SH3KBP1: variants seen among roughly 807,000 people sequenced by gnomAD.
The protein encoded by SH3KBP1 is SH3 domain containing kinase binding protein 1.
A neutral mutation model predicts 50.1 loss-of-function variants in SH3KBP1; 8 were observed. The observed-to-expected ratio is 0.16, with a 90% CI of 0.09 to 0.29. SH3KBP1 has a LOEUF of 0.29. Among genes scored for constraint, SH3KBP1 ranks in the 10% least tolerant of loss-of-function variants. SH3KBP1 has a pLI of 1.00. For synonymous variants in SH3KBP1, 227 were observed against 218.6 expected (o/e 1.04, Z -0.34); for missense variants, 377 against 535.2 (o/e 0.70, Z 2.92).
chrX:19,712,203 C>T (rs901622351), intron 3 of SH3KBP1, among the ~76,000 whole-genome samples: 4 of 112,014 alleles, frequency 3.6e-5, no homozygotes, highest in South Asian at 3.7e-4. Flanking sequence ...TCTAAGCCTA[C>T]GGCAAAGAAG....
Position 19,554,122 on chromosome X carries a change from T to TTATATATCATATTAAAATATAA in SH3KBP1, c.1385-4040_1385-4039insTTATATTTTAATATGATATATA, listed in dbSNP as rs1569278477. Among the ~76,000 whole-genome samples the TTATATATCATATTAAAATATAA allele has an allele frequency of 9.6e-3, 567 of 59,241 alleles. 25 individuals carry two copies. The highest frequency in any genetic ancestry group is 0.049 in the African/African-American group (532 of 10,949). 51.4% of individuals were successfully genotyped at this position (59,241 alleles called of 115,157 possible). ...TTATATATCATATTAAAATATAATATTATATATCATATTAAAATATATTAT... is the reference window on the plus strand; with the variant it reads ...TTATATATCATATTAAAATATAATATTATATATCATATTAAAATATAATATATATCATATTAAAATATATTAT... On this transcript the variant is annotated intron_variant, in intron 13 of 17. Coordinates refer to ENST00000397821, the MANE Select transcript of SH3KBP1 (RefSeq NM_031892.3).
intron 6 of SH3KBP1, chrX:19,670,485 G>A: frequency 1.0e-5 from 4 of 390,498 alleles, no homozygotes; most frequent in Non-Finnish European, 1.3e-5. Context: ...CTGTGACATG[G>A]TGTAACAGTT....
intron 2 of SH3KBP1, among the ~76,000 whole-genome samples, chrX:19,808,050 G>A (rs996975334): frequency 3.2e-4 from 36 of 111,298 alleles, no homozygotes; most frequent in African/African-American, 1.1e-3. Context: ...CTTGGCTTTG[G>A]GGCTTTCCTT....
At chrX:19,618,209 C>T (rs2067676450) in intron 8 of SH3KBP1, among the ~76,000 whole-genome samples, 1 of 109,622 alleles carries the variant, frequency 9.1e-6, no homozygotes, top group African/African-American at 3.3e-5. Flanking sequence ...CATGGTGAAT[C>T]CCCGTCTCTA....
intron 4 of SH3KBP1, among the ~76,000 whole-genome samples, chrX:19,704,781 A>G (rs1173313919): frequency 8.9e-6 from 1 of 112,560 alleles, no homozygotes; most frequent in Non-Finnish European, 1.9e-5. Flanking sequence ...TAACAAATAC[A>G]TATCTAAAAA....
intron 2 of SH3KBP1, among the ~76,000 whole-genome samples, chrX:19,764,699 C>T (rs921565925): frequency 9.0e-6 from 1 of 111,457 alleles, no homozygotes; most frequent in African/African-American, 3.3e-5. Context: ...TACTAAGTGC[C>T]TTAATATATA....
intron 8 of SH3KBP1, among the ~76,000 whole-genome samples, chrX:19,627,653 T>A (rs1227797081): frequency 2.7e-5 from 3 of 112,273 alleles, no homozygotes; most frequent in African/African-American, 9.7e-5. Flanking sequence ...TCTTTGCACA[T>A]TATTTCAGGA....
chrX:19,651,625 T>G (rs1158522682), intron 6 of SH3KBP1, among the ~76,000 whole-genome samples: 1 of 112,700 alleles, frequency 8.9e-6, no homozygotes, highest in African/African-American at 3.2e-5. Flanking sequence ...AGTTAGAGAA[T>G]TCAAATATAT....
intron 6 of SH3KBP1, among the ~76,000 whole-genome samples, chrX:19,671,887 T>TA (rs776469206): frequency 8.9e-6 from 1 of 112,620 alleles, no homozygotes; most frequent in Admixed American, 9.4e-5. Flanking sequence ...ATCCTTATCT[T>TA]ACCACATTTC....
At chrX:19,605,018 G>C (rs1327872592) in intron 9 of SH3KBP1, among the ~76,000 whole-genome samples, 1 of 111,357 alleles carries the variant, frequency 9.0e-6, no homozygotes, top group Non-Finnish European at 1.9e-5. Context: ...CAGAGAGCGT[G>C]CATGTCCCAA....
At chrX:19,884,463 C>T (rs1462012097) in intron 1 of SH3KBP1, among the ~76,000 whole-genome samples, 4 of 112,519 alleles carry the variant, frequency 3.6e-5, no homozygotes, top group African/African-American at 9.7e-5. Flanking sequence ...AAGAAACCAC[C>T]AAGGTTTGTG....
At chrX:19,790,699 A>G (rs1324827230) in intron 2 of SH3KBP1, among the ~76,000 whole-genome samples, 3 of 111,042 alleles carry the variant, frequency 2.7e-5, no homozygotes, top group Middle Eastern at 4.6e-3. Context: ...ATCAGAAAAG[A>G]CGTCATGGAA....
At chrX:19,697,200 T>A (rs181637095) in intron 4 of SH3KBP1, among the ~76,000 whole-genome samples, 1 of 112,380 alleles carries the variant, frequency 8.9e-6, no homozygotes, top group Non-Finnish European at 1.9e-5. Flanking sequence ...CAACTTATGA[T>A]GGGTTTATTG....
intron 2 of SH3KBP1, among the ~76,000 whole-genome samples, chrX:19,750,270 G>T (rs1056504807): frequency 9.0e-6 from 1 of 111,724 alleles, no homozygotes; most frequent in East Asian, 2.8e-4. Flanking sequence ...ATGTTGGCCA[G>T]ACTGGTCTCA....
intron 3 of SH3KBP1, among the ~76,000 whole-genome samples, chrX:19,710,544 G>A (rs904630765): frequency 8.9e-6 from 1 of 111,974 alleles, no homozygotes; most frequent in Non-Finnish European, 1.9e-5. Flanking sequence ...AAGAGAAAGA[G>A]AACACATTCC....
chrX:19,802,752 T>A (rs2066929353), intron 2 of SH3KBP1, among the ~76,000 whole-genome samples: 1 of 111,091 alleles, frequency 9.0e-6, no homozygotes. Context: ...CCCTTTGTGC[T>A]CCCTTAGCGT....
intron 13 of SH3KBP1, among the ~76,000 whole-genome samples, chrX:19,562,414 T>G (rs2065708974): frequency 9.0e-6 from 1 of 111,465 alleles, no homozygotes. Context: ...GTTCCCTTGC[T>G]TCCACATTCA....
intron 1 of SH3KBP1, among the ~76,000 whole-genome samples, chrX:19,857,895 G>A (rs1399002409): frequency 9.0e-6 from 1 of 111,611 alleles, no homozygotes; most frequent in East Asian, 2.8e-4. Context: ...AAAAAGGAAA[G>A]GGGCTGGGCA....
intron 2 of SH3KBP1, among the ~76,000 whole-genome samples, chrX:19,811,120 CG>C (rs1431805123): frequency 1.8e-5 from 2 of 110,658 alleles, no homozygotes; most frequent in Non-Finnish European, 3.8e-5. Flanking sequence ...GTTTCAAGAC[CG>C]GGGGAGAAAA....
Sources: gnomAD v4.1 joint callset for allele counts (sites outside exome capture counted in the v4.1 genomes callset) on GRCh38, gnomAD v4.1.1 for gene constraint, MANE v1.5 for transcripts, NCBI Gene and HGNC (gene_info 2026-07-23, HGNC 2026-07-21) for gene names.